NTF3: variants seen among roughly 807,000 people sequenced by gnomAD.
NTF3 encodes neurotrophin 3.
In NTF3, 8 loss-of-function variants were observed where a neutral mutation model predicts 26.3. That is an observed-to-expected ratio of 0.30 (90% CI 0.18 to 0.55). NTF3 has a LOEUF of 0.55. NTF3 is among the 20% of genes least tolerant of loss of function. The pLI, the probability that NTF3 is intolerant of heterozygous loss-of-function variation, is 0.93. For missense variants in NTF3, 276 were observed against 352.9 expected (o/e 0.78, Z 1.75); for synonymous variants, 154 against 145.5 (o/e 1.06, Z -0.42).
intron 1 of NTF3, among the ~76,000 whole-genome samples, chr12:5,490,716 TTGTC>T (rs1424801010): frequency 1.3e-5 from 2 of 152,160 alleles, no homozygotes; most frequent in African/African-American, 4.8e-5. Context: ...CTTTCGTCAT[TTGTC>T]TGTTCTCTGG....
At chr12:5,460,150 C>T (rs1008088168) in intron 1 of NTF3, among the ~76,000 whole-genome samples, 2 of 152,218 alleles carry the variant, frequency 1.3e-5, no homozygotes, top group Admixed American at 1.3e-4. Flanking sequence ...TGCATTAGTG[C>T]AGTACATTTG....
chr12:5,454,783 A>T (rs1392767691), intron 1 of NTF3, among the ~76,000 whole-genome samples: 1 of 152,150 alleles, frequency 6.6e-6, no homozygotes, highest in Non-Finnish European at 1.5e-5. Flanking sequence ...CAGCGGCGAG[A>T]AAAAGGGGGA....
intron 1 of NTF3, among the ~76,000 whole-genome samples, chr12:5,490,691 C>T (rs1007561391): frequency 2.0e-5 from 3 of 152,210 alleles, no homozygotes; most frequent in Non-Finnish European, 4.4e-5. Flanking sequence ...ACCACCTCTC[C>T]CTTGCCCGTG....
At chr12:5,440,888 G>A (rs1358122655) in intron 1 of NTF3, among the ~76,000 whole-genome samples, 4 of 152,246 alleles carry the variant, frequency 2.6e-5, no homozygotes, top group Admixed American at 2.0e-4. Flanking sequence ...CTTACATAGA[G>A]TGATTTGGAG....
intron 1 of NTF3, among the ~76,000 whole-genome samples, chr12:5,481,875 C>A (rs1172276920): frequency 6.7e-6 from 1 of 149,090 alleles, no homozygotes; most frequent in African/African-American, 2.5e-5. Context: ...ACACAGACAT[C>A]ACACATGCAT....
intron 1 of NTF3, among the ~76,000 whole-genome samples, chr12:5,434,823 G>A (rs1940146935): frequency 6.6e-6 from 1 of 151,928 alleles, no homozygotes; most frequent in Admixed American, 6.6e-5. Flanking sequence ...TTACCAAAGG[G>A]ATGTGTGTGG....
intron 1 of NTF3, among the ~76,000 whole-genome samples, chr12:5,466,091 C>CA (rs1940585702): frequency 6.6e-6 from 1 of 152,134 alleles, no homozygotes; most frequent in Non-Finnish European, 1.5e-5. Flanking sequence ...CCAAGATGGC[C>CA]AGAAAAGGAA....
intron 1 of NTF3, among the ~76,000 whole-genome samples, chr12:5,491,605 A>G (rs1940937163): frequency 6.6e-6 from 1 of 151,736 alleles, no homozygotes; most frequent in Admixed American, 6.6e-5. Context: ...AGCAGTGAGT[A>G]GTGAATGGGG....
chr12:5,486,790 C>A (rs1324467673), intron 1 of NTF3, among the ~76,000 whole-genome samples: 1 of 151,820 alleles, frequency 6.6e-6, no homozygotes, highest in Non-Finnish European at 1.5e-5. Context: ...TTAAATGATT[C>A]AATAATTTGA....
chr12:5,489,770 C>T (rs1940911203), intron 1 of NTF3, among the ~76,000 whole-genome samples: 1 of 152,184 alleles, frequency 6.6e-6, no homozygotes, highest in Non-Finnish European at 1.5e-5. Context: ...AGGGCAGACG[C>T]AGGTTGCTGG....
chr12:5,441,455 T>A (rs1382729700), intron 1 of NTF3, among the ~76,000 whole-genome samples: 1 of 151,338 alleles, frequency 6.6e-6, no homozygotes, highest in Non-Finnish European at 1.5e-5. Flanking sequence ...TCATCATCAA[T>A]GATATTAAAA....
intron 1 of NTF3, among the ~76,000 whole-genome samples, chr12:5,491,716 CTTTT>C (rs5796156): frequency 1.0e-5 from 1 of 98,244 alleles, no homozygotes; most frequent in Admixed American, 1.2e-4. Flanking sequence ...CTCTCCTCTT[CTTTT>C]TTTTTTTTTT....
chr12:5,444,321 G>A (rs562062242), intron 1 of NTF3, among the ~76,000 whole-genome samples: 76 of 152,308 alleles, frequency 5.0e-4, no homozygotes, highest in Middle Eastern at 3.4e-3. Context: ...GAAAGAGAGC[G>A]TGAGCAGGGG....
intron 1 of NTF3, among the ~76,000 whole-genome samples, chr12:5,441,997 G>A (rs554876217): frequency 1.3e-5 from 2 of 152,240 alleles, no homozygotes; most frequent in South Asian, 4.2e-4. Context: ...TTAGACACTC[G>A]GAAAGCAACT....
chr12:5,453,761 C>A (rs1940403559), intron 1 of NTF3, among the ~76,000 whole-genome samples: 1 of 152,156 alleles, frequency 6.6e-6, no homozygotes, highest in South Asian at 2.1e-4. Flanking sequence ...TCTCCCTGGC[C>A]CAGCAGACCA....
At chr12:5,476,376 TG>T (rs1370289669) in intron 1 of NTF3, among the ~76,000 whole-genome samples, 9 of 152,096 alleles carry the variant, frequency 5.9e-5, no homozygotes, top group Admixed American at 5.9e-4. Flanking sequence ...TAGGAGCAGC[TG>T]TGAGGGGAGG....
At chr12:5,470,390 A>G (rs1243752222) in intron 1 of NTF3, among the ~76,000 whole-genome samples, 1 of 152,244 alleles carries the variant, frequency 6.6e-6, no homozygotes, top group Non-Finnish European at 1.5e-5. Flanking sequence ...GGGAGTGTCT[A>G]GAACATCCAC....
chr12:5,435,533 C>G (rs1940156462), intron 1 of NTF3, among the ~76,000 whole-genome samples: 1 of 152,104 alleles, frequency 6.6e-6, no homozygotes, highest in African/African-American at 2.4e-5. Context: ...ATGATGTAGA[C>G]TTTTGTGTAT....
chr12:5,448,223 T>C (rs1940330005), intron 1 of NTF3, among the ~76,000 whole-genome samples: 1 of 152,226 alleles, frequency 6.6e-6, no homozygotes, highest in Admixed American at 6.5e-5. Flanking sequence ...CCTTGAAACA[T>C]CCATAGTCCC....
Sources: gnomAD v4.1 joint callset for allele counts (sites outside exome capture counted in the v4.1 genomes callset) on GRCh38, gnomAD v4.1.1 for gene constraint, MANE v1.5 for transcripts, NCBI Gene and HGNC (gene_info 2026-07-23, HGNC 2026-07-21) for gene names.